The following DZIP3 variants were observed in gnomAD, a reference collection of about 807,000 sequenced individuals.
The protein encoded by DZIP3 is E3 ubiquitin-protein ligase DZIP3.
DZIP3 carries 118 observed loss-of-function variants against 162.0 expected under a neutral mutation model. The observed-to-expected ratio is 0.73, with a 90% CI of 0.63 to 0.85. DZIP3 has a LOEUF of 0.85. Among genes scored for constraint, DZIP3 ranks in the 40% least tolerant of loss-of-function variants. The pLI, the probability that DZIP3 is intolerant of heterozygous loss-of-function variation, is 0.00. For missense variants in DZIP3, 1,331 were observed against 1,407.0 expected, an observed-to-expected ratio of 0.95 and a Z score of 0.86; for synonymous variants, 438 against 458.6, an observed-to-expected ratio of 0.96 and a Z score of 0.57.
chr3:108,648,251 T>G (rs1227648009), intron 16 of DZIP3, 139 bp downstream of exon 16: 5 of 692,802 alleles, frequency 7.2e-6, no homozygotes, highest in Admixed American at 7.8e-5. Context: ...ATTGGAATGG[T>G]CCTTTCCTTC....
chr3:108,617,949 T>C (rs1010125316), intron 5 of DZIP3, among the ~76,000 whole-genome samples: 5 of 152,190 alleles, frequency 3.3e-5, no homozygotes, highest in Non-Finnish European at 7.3e-5. Context: ...CCTTGGTAGC[T>C]CTAGGTAGTA....
At chr3:108,608,056 G>A in intron 2 of DZIP3, 33 bp from the exon 3 acceptor site, 1 of 1,535,334 alleles carries the variant, frequency 6.5e-7, no homozygotes, top group Non-Finnish European at 9.0e-7. Flanking sequence ...GTGAGAAGAT[G>A]CTCTTAATAT....
At chr3:108,593,695 T>TTTTA (rs1939553063) in intron 1 of DZIP3, among the ~76,000 whole-genome samples, 2 of 140,664 alleles carry the variant, frequency 1.4e-5, no homozygotes, top group African/African-American at 5.2e-5. Flanking sequence ...TTTTTTTTTT[T>TTTTA]AATATGGTTT....
In DZIP3 at chr3:108,624,525, G is replaced by C. The variant is rs751940620; in HGVS notation, c.456+1G>C. 10 of 1,526,724 alleles carry C rather than the reference G, an allele frequency of 6.5e-6. No individual in the cohort carries two copies. Among genetic ancestry groups the C allele is most frequent in the Non-Finnish European group, 9.0e-6 (10 of 1,115,280 alleles). The allele number at this position is 1,526,724 out of a possible 1,614,324, so 94.6% of individuals were successfully genotyped here. Reference sequence around the variant, plus strand: ...ACTCACTGAAAGAGGAAAGAAAGAGGTATGTAACATGTTATTTGCCCTTTA... The same window carrying C: ...ACTCACTGAAAGAGGAAAGAAAGAGCTATGTAACATGTTATTTGCCCTTTA... On this transcript the variant is annotated splice_donor_variant, in intron 6 of 32. Coordinates refer to ENST00000361582, the MANE Select transcript of DZIP3 (RefSeq NM_014648.4). LOFTEE classifies it high-confidence loss of function.
rs1944662836 is a variant in DZIP3, at chr3:108,690,811, C to G, written c.3541C>G (p.Gln1181Glu). The change falls in exon 32 of 33, where the codon CAG (glutamine) becomes GAG (glutamate). Residue 1181 changes from glutamine (Q) to glutamate (E), a missense_variant. Around this residue, in one of 2 missense-constraint regions of DZIP3, gnomAD observed 53 missense variants for 89.9 expected, o/e 0.59. Transcript: ENST00000361582. The part of the protein sequence containing the change: ...AQCIRPWLMQ[Q>E]GTCPTCRLHV... ...GTGCATTAGACCATGGTTGATGCAA[C>G]AGGGGACATGTCCAACGTGCAGACT... 3 of 1,613,958 alleles carry G rather than the reference C, an allele frequency of 1.9e-6. No homozygotes were observed. The highest frequency in any genetic ancestry group is 2.5e-6 in the Non-Finnish European group (3 of 1,179,960).
chr3:108,643,786 AT>A (rs1324984799), intron 13 of DZIP3, among the ~76,000 whole-genome samples: 1 of 152,074 alleles, frequency 6.6e-6, no homozygotes, highest in Non-Finnish European at 1.5e-5. Context: ...ATAAAGTATA[AT>A]TGTTTAAGTA....
intron 6 of DZIP3, among the ~76,000 whole-genome samples, chr3:108,625,308 T>C (rs1941542735): frequency 6.6e-6 from 1 of 152,236 alleles, no homozygotes; most frequent in African/African-American, 2.4e-5. Flanking sequence ...AATCACTTAC[T>C]TTCTATCTGA....
Position 108,631,055 on chromosome 3 carries a change from A to ACACACACACACACACACACACAGACACT in DZIP3, c.696+1880_696+1881insACACACACACACACACACACAGACACTC. Among the ~76,000 whole-genome samples, 3 of 18,014 alleles carry ACACACACACACACACACACACAGACACT rather than the reference A, an allele frequency of 1.7e-4. 1 individual carries two copies. The highest frequency in any genetic ancestry group is 1.8e-4 in the Non-Finnish European group (2 of 11,162). 11.8% of individuals were successfully genotyped at this position (18,014 alleles called of 152,430 possible). On this transcript the variant is annotated intron_variant, in intron 8 of 32. Transcript: ENST00000361582. The stretch of plus-strand genomic sequence containing the variant: ...CACACACACACACACACACACACAC[A>ACACACACACACACACACACACAGACACT]CTCTCTCTCTCTCTCTCTCTCTCTC...
intron 15 of DZIP3, among the ~76,000 whole-genome samples, 164 bp downstream of exon 15, chr3:108,646,813 C>T (rs1425436180): frequency 2.0e-5 from 3 of 152,084 alleles, no homozygotes; most frequent in Admixed American, 6.5e-5. Flanking sequence ...GAGGCTGAGG[C>T]AGGTGGATCA....
In DZIP3 at chr3:108,628,348, A is replaced by G. The variant is rs146626539; in HGVS notation, c.582-714A>G. Among the ~76,000 whole-genome samples the G allele has an allele frequency of 4.7e-3, 714 of 152,306 alleles. 2 individuals are homozygous for G. Among genetic ancestry groups the G allele is most frequent in the African/African-American group, 0.016 (651 of 41,568 alleles). On this transcript the variant is annotated intron_variant, in intron 7 of 32. Transcript: ENST00000361582. ...ATTTAAGGATTCAATATTTCTAAGC[A>G]CATTCACCTAAATATCCCCATTTTA...
chr3:108,633,233 C>T (rs1941969032), intron 9 of DZIP3, among the ~76,000 whole-genome samples, 161 bp downstream of exon 9: 1 of 151,648 alleles, frequency 6.6e-6, no homozygotes, highest in Non-Finnish European at 1.5e-5. Context: ...ACTATGAGAA[C>T]TTAGATTCAG....
At chr3:108,643,393 A>G (rs1029823383) in intron 13 of DZIP3, among the ~76,000 whole-genome samples, 5 of 152,180 alleles carry the variant, frequency 3.3e-5, no homozygotes, top group Admixed American at 1.3e-4. Context: ...GATGAGGTTT[A>G]TTAGATCACA....
chr3:108,627,980 G>A (rs1176129679), intron 7 of DZIP3, among the ~76,000 whole-genome samples: 1 of 152,244 alleles, frequency 6.6e-6, no homozygotes, highest in East Asian at 1.9e-4. Flanking sequence ...CCTGGTTCAA[G>A]GGATTCTCCT....
rs150644439 is a variant in DZIP3, at chr3:108,646,041, A to G, written c.1760-576A>G. 1.5e-3 allele frequency among the ~76,000 whole-genome samples: 226 copies of G among 152,314 alleles called. 1 individual carries two copies. The highest frequency in any genetic ancestry group is 5.2e-3 in the African/African-American group (218 of 41,578). On this transcript the variant is annotated intron_variant, in intron 14 of 32. Coordinates refer to ENST00000361582, the MANE Select transcript of DZIP3 (RefSeq NM_014648.4). ...TCCCTTTACTAGAGGCTTTCTTACCATCTTATATTTCTTTCCTCAGCTATT... is the reference window on the plus strand; with the variant it reads ...TCCCTTTACTAGAGGCTTTCTTACCGTCTTATATTTCTTTCCTCAGCTATT...
intron 7 of DZIP3, among the ~76,000 whole-genome samples, chr3:108,627,989 C>T (rs1366054320): frequency 1.3e-5 from 2 of 152,210 alleles, no homozygotes; most frequent in African/African-American, 4.8e-5. Context: ...AGGGATTCTC[C>T]TGCCTCTGCC....
rs748717758 is a variant in DZIP3, at chr3:108,644,761, T to C, written c.1739T>C (p.Met580Thr). The C allele has an allele frequency of 1.2e-6, 2 of 1,602,282 alleles. No individual in the cohort carries two copies. Among genetic ancestry groups the C allele is most frequent in the Non-Finnish European group, 1.7e-6 (2 of 1,176,266 alleles). Residue 580 changes from methionine (M) to threonine (T), a missense_variant, in exon 14 of 33, where the codon ATG becomes ACG. Met to Thr is a moderately conservative substitution (Grantham distance 81). This residue lies in a region of DZIP3 where 1,278 missense variants were observed against 1,317.1 expected (regional missense o/e 0.97). Coordinates refer to ENST00000361582, the MANE Select transcript of DZIP3 (RefSeq NM_014648.4). ...CCAGTACCAGAAATCATACAGAGGA[T>C]GTTATCCTGCTATCAACAAGGTACT... ...GIPVPEIIQR[M>T]LSCYQQGIAL...
At chr3:108,671,176 G>T (rs1943913370) in intron 22 of DZIP3, among the ~76,000 whole-genome samples, 1 of 151,562 alleles carries the variant, frequency 6.6e-6, no homozygotes, top group African/African-American at 2.4e-5. Flanking sequence ...ATATTTAATG[G>T]TATAATAATT....
intron 6 of DZIP3, among the ~76,000 whole-genome samples, chr3:108,625,563 A>G (rs1363338692): frequency 6.6e-6 from 1 of 152,118 alleles, no homozygotes; most frequent in Non-Finnish European, 1.5e-5. Flanking sequence ...CCTAATTGCC[A>G]GTTTTAGATA....
intron 7 of DZIP3, among the ~76,000 whole-genome samples, chr3:108,628,707 C>G (rs539613709): frequency 7.2e-5 from 11 of 152,272 alleles, no homozygotes; most frequent in Admixed American, 7.2e-4. Context: ...CCCATAGAGG[C>G]CTTCTGGCTT....
Sources: gnomAD v4.1 joint callset for allele counts (sites outside exome capture counted in the v4.1 genomes callset) on GRCh38, gnomAD v4.1.1 for gene constraint, gnomAD v4.1.1 regional missense constraint, MANE v1.5 for transcripts, NCBI Gene and HGNC (gene_info 2026-07-23, HGNC 2026-07-21) for gene names.